The following CAB39L variants were observed in gnomAD, a reference collection of about 807,000 sequenced individuals.
The protein encoded by CAB39L is calcium binding protein 39 like.
A neutral mutation model predicts 39.1 loss-of-function variants in CAB39L; 23 were observed. The observed-to-expected ratio is 0.59, with a 90% confidence interval of 0.42 to 0.83. The LOEUF is 0.83. CAB39L is among the 40% of genes least tolerant of loss of function. The pLI is 0.00. For synonymous variants in CAB39L, 126 were observed against 137.2 expected (o/e 0.92, Z 0.57); for missense variants, 366 against 391.9 (o/e 0.93, Z 0.56).
At chr13:49,346,087 T>TAC (rs1955151431) in intron 7 of CAB39L, among the ~76,000 whole-genome samples, 1 of 119,418 alleles carries the variant, frequency 8.4e-6, no homozygotes, top group African/African-American at 3.0e-5. Flanking sequence ...TATATATATA[T>TAC]ATATATATGC....
In CAB39L at chr13:49,376,859, G is replaced by A. The variant is rs138645754; in HGVS notation, c.276+108C>T. Reference sequence around the variant, plus strand: ...GAAAAAACTTTAAAAAATAACACATGGAAAGCCATAATGAAAAGCAAAAGT... The same window carrying A: ...GAAAAAACTTTAAAAAATAACACATAGAAAGCCATAATGAAAAGCAAAAGT... On this transcript the variant is annotated intron_variant, in intron 5 of 10. Transcript: ENST00000409308. 32 of 794,536 alleles carry A rather than the reference G, an allele frequency of 4.0e-5. No homozygotes were observed. The East Asian group carries it at 8.2e-4, about 20-fold the overall frequency. 49.2% of individuals were successfully genotyped at this position (794,536 alleles called of 1,614,324 possible). A position where few individuals can be genotyped will look rare whatever the true frequency, so the allele number is the denominator to read the frequency against.
chr13:49,352,342 A>C (rs1955380141), intron 6 of CAB39L, among the ~76,000 whole-genome samples: 3 of 152,166 alleles, frequency 2.0e-5, no homozygotes, highest in African/African-American at 7.2e-5. Context: ...CAAGTACAAC[A>C]AGCCCTGTAT....
intron 3 of CAB39L, among the ~76,000 whole-genome samples, chr13:49,412,016 C>A (rs1222767534): frequency 6.6e-6 from 1 of 152,078 alleles, no homozygotes; most frequent in Non-Finnish European, 1.5e-5. Flanking sequence ...TATGTAAACT[C>A]CCCCCAAAAC....
In CAB39L at chr13:49,310,607, A is replaced by C. The variant is rs1264847102; in HGVS notation, c.*207T>G. On this transcript the variant is annotated 3_prime_UTR_variant, in exon 11 of 11. Coordinates refer to ENST00000409308, the MANE Select transcript of CAB39L (RefSeq NM_001079670.3). ...GATACAATGGTTCTCATTTCACATA[A>C]ATAATCACAGACTTGACTAAAATGA... The C allele has an allele frequency of 6.4e-6, 3 of 468,420 alleles. No individual in the cohort carries two copies. The highest frequency in any genetic ancestry group is 7.5e-6 in the Non-Finnish European group (2 of 265,932). 29.0% of individuals were successfully genotyped at this position (468,420 alleles called of 1,614,324 possible). A position where few individuals can be genotyped will look rare whatever the true frequency, so the allele number is the denominator to read the frequency against.
chr13:49,378,624 C>A (rs1330150873), intron 4 of CAB39L, among the ~76,000 whole-genome samples: 1 of 55,314 alleles, frequency 1.8e-5, no homozygotes, highest in African/African-American at 1.2e-4. Flanking sequence ...CCGCCCCGTC[C>A]GGGAGGTGAG....
In CAB39L at chr13:49,379,562, AG is replaced by A. The variant is rs1327839887; in HGVS notation, c.112-2432del. 1.9e-4 allele frequency among the ~76,000 whole-genome samples: 9 copies of A among 48,094 alleles called. 2 individuals are homozygous for A. The highest frequency in any genetic ancestry group is 5.5e-4 in the Admixed American group (3 of 5,498). The allele number at this position is 48,094 out of a possible 152,430, so 31.6% of individuals were successfully genotyped here. A position where few individuals can be genotyped will look rare whatever the true frequency, so the allele number is the denominator to read the frequency against. ...TAATCAGGGACACAAACACTGCGGA[AG>A]GCCGCAGGGTCCTCTGCCTAGGAAA... On this transcript the variant is annotated intron_variant, in intron 4 of 10. Transcript: ENST00000409308.
At chr13:49,371,528 T>C (rs1955918426) in intron 5 of CAB39L, among the ~76,000 whole-genome samples, 1 of 152,168 alleles carries the variant, frequency 6.6e-6, no homozygotes, top group African/African-American at 2.4e-5. Flanking sequence ...AGGATAAACA[T>C]TTACAAAATG....
At chr13:49,398,697 G>T (rs1956693915) in intron 3 of CAB39L, among the ~76,000 whole-genome samples, 1 of 151,918 alleles carries the variant, frequency 6.6e-6, no homozygotes, top group African/African-American at 2.4e-5. Context: ...TTGCATTACT[G>T]ACTTTTAAAT....
In CAB39L at chr13:49,350,724, A is replaced by T; in HGVS notation, c.564+20T>A. ...AAGTGACTATAAATTGACCTAGCTGAGTTGGAAAAAAAAAATTACCTTGAA... is the reference window on the plus strand; with the variant it reads ...AAGTGACTATAAATTGACCTAGCTGTGTTGGAAAAAAAAAATTACCTTGAA... On this transcript the variant is annotated intron_variant, in intron 7 of 10. Coordinates refer to ENST00000409308, the MANE Select transcript of CAB39L (RefSeq NM_001079670.3). 5 of 1,513,560 alleles carry T rather than the reference A, an allele frequency of 3.3e-6. No homozygotes were observed. The highest frequency in any genetic ancestry group is 4.4e-6 in the Non-Finnish European group (5 of 1,128,054). 93.8% of individuals were successfully genotyped at this position (1,513,560 alleles called of 1,614,324 possible).
intron 3 of CAB39L, among the ~76,000 whole-genome samples, chr13:49,396,411 T>TA (rs928528346): frequency 4.6e-5 from 7 of 151,592 alleles, no homozygotes; most frequent in Non-Finnish European, 7.4e-5. Context: ...TACCACCACA[T>TA]AAAAAAAAAT....
At chr13:49,339,892 G>C in intron 8 of CAB39L, 150 bp from the exon 9 acceptor site, 1 of 1,009,538 alleles carries the variant, frequency 9.9e-7, no homozygotes, top group Non-Finnish European at 1.3e-6. Context: ...GGACAGGGAG[G>C]TCAAGAATTA....
intron 1 of CAB39L, among the ~76,000 whole-genome samples, chr13:49,442,836 G>C (rs1413280714): frequency 7.0e-6 from 1 of 142,194 alleles, no homozygotes; most frequent in Non-Finnish European, 1.5e-5. Context: ...TTATTTTGCT[G>C]TTTGTTTTGT....
At chr13:49,346,970 T>G (rs2138451179) in intron 7 of CAB39L, among the ~76,000 whole-genome samples, 1 of 152,152 alleles carries the variant, frequency 6.6e-6, no homozygotes, top group South Asian at 2.1e-4. Context: ...TATTAATAAC[T>G]AAACTGAGCA....
chr13:49,420,916 C>T (rs1165577006), intron 3 of CAB39L, among the ~76,000 whole-genome samples: 5 of 151,826 alleles, frequency 3.3e-5, no homozygotes, highest in East Asian at 1.9e-4. Context: ...ATTTAGCAAG[C>T]GAAGAACACA....
intron 5 of CAB39L, among the ~76,000 whole-genome samples, chr13:49,372,363 T>C (rs1955942309): frequency 6.6e-6 from 1 of 152,130 alleles, no homozygotes; most frequent in Admixed American, 6.5e-5. Flanking sequence ...TAACTAGCCA[T>C]TATTCACATG....
At chr13:49,327,215 T>C (rs1954529285) in intron 10 of CAB39L, among the ~76,000 whole-genome samples, 2 of 152,194 alleles carry the variant, frequency 1.3e-5, no homozygotes, top group Admixed American at 1.3e-4. Context: ...TGGACACTCC[T>C]GTATGATATC....
chr13:49,410,645 T>C (rs530769155), intron 3 of CAB39L, among the ~76,000 whole-genome samples: 1 of 152,338 alleles, frequency 6.6e-6, no homozygotes, highest in Non-Finnish European at 1.5e-5. Context: ...TGGTTTAAAA[T>C]GTCAAGAGAA....
intron 10 of CAB39L, among the ~76,000 whole-genome samples, chr13:49,321,588 G>A (rs1954343199): frequency 6.6e-6 from 1 of 152,196 alleles, no homozygotes; most frequent in Admixed American, 6.5e-5. Flanking sequence ...TTCCGCTAGT[G>A]ACTACACGAC....
chr13:49,369,642 C>T (rs1391259782), intron 5 of CAB39L, among the ~76,000 whole-genome samples: 1 of 150,936 alleles, frequency 6.6e-6, no homozygotes, highest in African/African-American at 2.4e-5. Context: ...GGCTGAAGTG[C>T]AGTGGCATAA....
Sources: gnomAD v4.1 joint callset for allele counts (sites outside exome capture counted in the v4.1 genomes callset) on GRCh38, gnomAD v4.1.1 for gene constraint, MANE v1.5 for transcripts, NCBI Gene and HGNC (gene_info 2026-07-23, HGNC 2026-07-21) for gene names.